The following CADM2 variants were observed in gnomAD, a reference collection of about 807,000 sequenced individuals.
CADM2 encodes the protein immunoglobulin superfamily member 4D.
In CADM2, 12 loss-of-function variants were observed where a neutral mutation model predicts 49.8. The ratio of observed to expected loss-of-function variants is 0.24; its 90% CI spans 0.15 to 0.39. CADM2 has a LOEUF of 0.39. CADM2 is among the 10% of genes least tolerant of loss of function. The pLI, the probability that CADM2 is intolerant of heterozygous loss-of-function variation, is 1.00. For missense variants in CADM2, 378 were observed against 492.3 expected, an observed-to-expected ratio of 0.77 and a Z score of 2.20; for synonymous variants, 214 against 175.4, an observed-to-expected ratio of 1.22 and a Z score of -1.74.
intron 1 of CADM2, among the ~76,000 whole-genome samples, chr3:85,635,129 T>C (rs2064427499): frequency 6.6e-6 from 1 of 152,106 alleles, no homozygotes; most frequent in African/African-American, 2.4e-5. Context: ...TTAAGGTCTC[T>C]CCTTTATAGC....
At chr3:85,862,867 G>GA (rs2075588652) in intron 3 of CADM2, among the ~76,000 whole-genome samples, 1 of 152,004 alleles carries the variant, frequency 6.6e-6, no homozygotes, top group Non-Finnish European at 1.5e-5. Context: ...TCTAGTGATT[G>GA]AAAAAATGGA....
intron 1 of CADM2, among the ~76,000 whole-genome samples, chr3:85,496,611 T>C (rs114360073): frequency 2.0e-3 from 300 of 152,282 alleles, no homozygotes; most frequent in African/African-American, 7.1e-3. Context: ...TTTTGAGAAA[T>C]CTCCAAGCTG....
At chr3:85,560,816 C>G (rs185388283) in intron 1 of CADM2, among the ~76,000 whole-genome samples, 107 of 152,148 alleles carry the variant, frequency 7.0e-4, no homozygotes, top group Admixed American at 4.0e-3. Flanking sequence ...AAGTTTAAAA[C>G]AAACAGGAAA....
chr3:85,657,138 C>T (rs1057424888), intron 1 of CADM2, among the ~76,000 whole-genome samples: 1 of 152,168 alleles, frequency 6.6e-6, no homozygotes, highest in Non-Finnish European at 1.5e-5. Context: ...CTATATTTCT[C>T]TCTCCTTCTT....
intron 1 of CADM2, among the ~76,000 whole-genome samples, chr3:85,540,704 G>T (rs1245468770): frequency 2.0e-5 from 3 of 152,108 alleles, no homozygotes; most frequent in African/African-American, 7.2e-5. Flanking sequence ...TATTGCAATA[G>T]AAACTGTGTT....
intron 1 of CADM2, among the ~76,000 whole-genome samples, chr3:85,474,003 T>G (rs907688415): frequency 6.6e-6 from 1 of 151,970 alleles, no homozygotes; most frequent in Non-Finnish European, 1.5e-5. Context: ...TAAATATTGT[T>G]GCAATGATTA....
chr3:85,602,183 A>G (rs1304156544), intron 1 of CADM2, among the ~76,000 whole-genome samples: 2 of 151,830 alleles, frequency 1.3e-5, no homozygotes, highest in Non-Finnish European at 2.9e-5. Context: ...GCTTTAAATA[A>G]AATGAGGTTA....
chr3:84,995,597 A>C (rs1228060895), intron 1 of CADM2, among the ~76,000 whole-genome samples: 1 of 152,214 alleles, frequency 6.6e-6, no homozygotes, highest in African/African-American at 2.4e-5. Flanking sequence ...GGAGAGAATA[A>C]TACATACTTC....
Position 85,723,350 on chromosome 3 carries a change from T to C in CADM2, c.62-3172T>C, listed in dbSNP as rs912571446. Among the ~76,000 whole-genome samples, 11 of 152,172 alleles carry C rather than the reference T, an allele frequency of 7.2e-5. No individual in the cohort carries two copies. In the East Asian group the frequency reaches 2.1e-3, roughly 29 times the overall value. On this transcript the variant is annotated intron_variant, in intron 1 of 9. Transcript: ENST00000383699. ...CTATAAACAGTTAAAATTGCATTTTTAAGATAATTTTCGGTCACTTGGGGT... is the reference window on the plus strand; with the variant it reads ...CTATAAACAGTTAAAATTGCATTTTCAAGATAATTTTCGGTCACTTGGGGT...
intron 1 of CADM2, among the ~76,000 whole-genome samples, chr3:85,460,492 A>G (rs576916720): frequency 4.6e-5 from 7 of 152,290 alleles, no homozygotes; most frequent in Admixed American, 4.6e-4. Context: ...AAGTTTTAGA[A>G]TGCAGGGAAA....
At chr3:86,042,087 A>G (rs561406600) in intron 8 of CADM2, among the ~76,000 whole-genome samples, 3 of 152,368 alleles carry the variant, frequency 2.0e-5, no homozygotes, top group African/African-American at 7.2e-5. Context: ...CAGTGTGTAG[A>G]GGGAAATTTA....
chr3:85,403,064 T>C (rs915406796), intron 1 of CADM2, among the ~76,000 whole-genome samples: 1 of 152,264 alleles, frequency 6.6e-6, no homozygotes, highest in Non-Finnish European at 1.5e-5. Context: ...AAGATGTATT[T>C]GCTAGGTATT....
chr3:85,155,482 T>A (rs1389867586), intron 1 of CADM2, among the ~76,000 whole-genome samples: 1 of 151,946 alleles, frequency 6.6e-6, no homozygotes, highest in African/African-American at 2.4e-5. Flanking sequence ...CTCCCACACA[T>A]TAATAATGGG....
chr3:85,564,161 G>A (rs1218908249), intron 1 of CADM2, among the ~76,000 whole-genome samples: 1 of 142,488 alleles, frequency 7.0e-6, no homozygotes, highest in African/African-American at 2.8e-5. Flanking sequence ...AATTTAGAAA[G>A]CATGATTCTC....
intron 1 of CADM2, among the ~76,000 whole-genome samples, chr3:85,113,920 G>T: frequency 6.6e-6 from 1 of 152,078 alleles, no homozygotes; most frequent in African/African-American, 2.4e-5. Context: ...GGCAAGAGAA[G>T]AAAATAAAAT....
At chr3:86,017,303 G>A (rs1163955930) in intron 8 of CADM2, among the ~76,000 whole-genome samples, 1 of 151,768 alleles carries the variant, frequency 6.6e-6, no homozygotes, top group Non-Finnish European at 1.5e-5. Context: ...TGGTCAAATA[G>A]ATGTTATTCC....
At chr3:85,436,000 T>C (rs2036911249) in intron 1 of CADM2, among the ~76,000 whole-genome samples, 1 of 152,182 alleles carries the variant, frequency 6.6e-6, no homozygotes, top group Non-Finnish European at 1.5e-5. Flanking sequence ...ATAGTTTCTT[T>C]TGCTGTTCAG....
intron 1 of CADM2, among the ~76,000 whole-genome samples, chr3:85,468,503 T>C (rs1316065002): frequency 6.6e-6 from 1 of 152,190 alleles, no homozygotes; most frequent in Non-Finnish European, 1.5e-5. Context: ...TTATTAATCA[T>C]TCTTAAGTGA....
At chr3:85,002,922 A>T (rs892093002) in intron 1 of CADM2, among the ~76,000 whole-genome samples, 1 of 152,064 alleles carries the variant, frequency 6.6e-6, no homozygotes, top group Non-Finnish European at 1.5e-5. Flanking sequence ...AATAGTCAAG[A>T]CTGCAGGCAA....
Sources: allele counts gnomAD v4.1 joint callset (sites outside exome capture counted in the v4.1 genomes callset), GRCh38; gene constraint gnomAD v4.1.1; transcripts MANE v1.5; gene names NCBI Gene and HGNC (gene_info 2026-07-23, HGNC 2026-07-21).